Variants in NRXN1 observed in about 807,000 individuals in gnomAD.
NRXN1 encodes the protein neurexin 1, also known as neurexin-1.
Under a neutral mutation model 150.9 loss-of-function variants are expected in NRXN1, and 39 were observed. The ratio of observed to expected loss-of-function variants is 0.26; its 90% CI spans 0.20 to 0.34. NRXN1 has a LOEUF of 0.34. Ranked by LOEUF, NRXN1 falls within the 10% of genes least tolerant of loss-of-function variation. The pLI is 1.00. For missense variants in NRXN1, 1,815 were observed against 1,949.9 expected (o/e 0.93, Z 1.30); for synonymous variants, 924 against 757.0 (o/e 1.22, Z -3.62).
rs186058081 is a variant in NRXN1, at chr2:50,541,836, A to G, written c.1760-3200T>C. 6.0e-3 allele frequency among the ~76,000 whole-genome samples: 915 copies of G among 152,286 alleles called. 5 individuals carry two copies. Among genetic ancestry groups the G allele is most frequent in the Middle Eastern group, 0.034 (10 of 294 alleles). ...TATTAAAACAAATGCTGGACCATCA[A>G]TGGATTTTAGCACCAGCTAAAATGT... On this transcript the variant is annotated intron_variant, in intron 9 of 22. Coordinates refer to ENST00000401669, the MANE Select transcript of NRXN1 (RefSeq NM_001330078.2).
At chr2:50,255,908 T>C (rs928455369) in intron 17 of NRXN1, among the ~76,000 whole-genome samples, 6 of 152,130 alleles carry the variant, frequency 3.9e-5, no homozygotes, top group African/African-American at 7.2e-5. Context: ...TTCTAGATCA[T>C]TTATCAAAGA....
At chr2:50,152,203 C>CCT (rs2058738139) in intron 18 of NRXN1, among the ~76,000 whole-genome samples, 1 of 151,706 alleles carries the variant, frequency 6.6e-6, no homozygotes, top group African/African-American at 2.4e-5. Flanking sequence ...CTACCCATTT[C>CCT]CTCTCTCTCC....
chr2:50,232,408 G>A (rs2065030776), intron 18 of NRXN1, among the ~76,000 whole-genome samples: 1 of 105,850 alleles, frequency 9.4e-6, no homozygotes, highest in African/African-American at 3.7e-5. Flanking sequence ...TTTTTTTTGA[G>A]ACGGAGTGTC....
At chr2:50,601,238 G>C (rs537710539) in intron 8 of NRXN1, among the ~76,000 whole-genome samples, 3 of 151,976 alleles carry the variant, frequency 2.0e-5, no homozygotes, top group Admixed American at 2.0e-4. Flanking sequence ...GACTACCTAC[G>C]AGAAAAATAA....
At chr2:50,710,325 T>G (rs1694995635) in intron 5 of NRXN1, among the ~76,000 whole-genome samples, 1 of 152,196 alleles carries the variant, frequency 6.6e-6, no homozygotes, top group Non-Finnish European at 1.5e-5. Context: ...AGGTAATGCA[T>G]TAACTCCAGA....
intron 12 of NRXN1, 45 bp from the exon 13 acceptor site, chr2:50,506,662 C>A: frequency 1.3e-6 from 2 of 1,598,426 alleles, no homozygotes; most frequent in South Asian, 2.2e-5. Flanking sequence ...CAGAATCAGT[C>A]AAGCAAATGA....
chr2:50,238,056 C>T (rs538029545), intron 17 of NRXN1, among the ~76,000 whole-genome samples: 1 of 152,172 alleles, frequency 6.6e-6, no homozygotes, highest in South Asian at 2.1e-4. Context: ...TCCTCAGCCA[C>T]ACAGAACTGT....
Position 50,347,000 on chromosome 2 carries a change from G to T in NRXN1, c.3365-110030C>A, listed in dbSNP as rs568380312. The T allele has an allele frequency of 3.4e-4, 461 of 1,364,000 alleles. 7 individuals carry two copies. In the South Asian group the frequency reaches 6.0e-3, roughly 18 times the overall value. The allele number at this position is 1,364,000 out of a possible 1,614,324, so 84.5% of individuals were successfully genotyped here. A position where few individuals can be genotyped will look rare whatever the true frequency, so the allele number is the denominator to read the frequency against. On this transcript the variant is annotated intron_variant, in intron 17 of 22. Transcript: ENST00000401669. The surrounding 1 kb of genome is among the most constrained non-coding windows in gnomAD (Gnocchi z 5.0). ...CGCCGCGGGAGGCAAAGTTTGGGGC[G>T]CGGGGAGAGGAGAGGGCGCAGGGGA...
chr2:50,978,293 TATATATATATATAA>T (rs1366927605), intron 2 of NRXN1, among the ~76,000 whole-genome samples: 2 of 126,560 alleles, frequency 1.6e-5, no homozygotes, highest in Admixed American at 1.7e-4. Context: ...TATATATATA[TATATATATATATAA>T]AATATATATA....
intron 18 of NRXN1, among the ~76,000 whole-genome samples, chr2:50,200,392 A>G (rs2062075183): frequency 6.6e-6 from 1 of 152,186 alleles, no homozygotes; most frequent in African/African-American, 2.4e-5. Context: ...ACAGTCTTCT[A>G]AGACATTAAT....
intron 12 of NRXN1, among the ~76,000 whole-genome samples, chr2:50,524,924 A>C (rs1447774441): frequency 5.9e-5 from 9 of 152,158 alleles, no homozygotes; most frequent in Non-Finnish European, 1.3e-4. Flanking sequence ...ATCGTTTGGA[A>C]TTATTGGGCA....
At chr2:50,500,186 A>G (rs1482410362) in intron 13 of NRXN1, among the ~76,000 whole-genome samples, 1 of 152,158 alleles carries the variant, frequency 6.6e-6, no homozygotes, top group African/African-American at 2.4e-5. Context: ...TACCAGCTCT[A>G]AAAGAGGAAA....
intron 5 of NRXN1, among the ~76,000 whole-genome samples, chr2:50,814,760 A>T (rs1668691992): frequency 6.6e-6 from 1 of 152,194 alleles, no homozygotes; most frequent in Non-Finnish European, 1.5e-5. Context: ...TATTTGATAC[A>T]TTTTATTCTT....
intron 5 of NRXN1, among the ~76,000 whole-genome samples, chr2:50,792,713 TA>T (rs1436548088): frequency 6.6e-6 from 1 of 151,916 alleles, no homozygotes; most frequent in East Asian, 1.9e-4. Context: ...AACGGTTAAT[TA>T]AAAGCAAATT....
intron 22 of NRXN1, among the ~76,000 whole-genome samples, chr2:49,927,647 T>A (rs1669328085): frequency 6.6e-6 from 1 of 152,222 alleles, no homozygotes; most frequent in Non-Finnish European, 1.5e-5. Context: ...TAAAGAAAAC[T>A]GCTCTTGATC....
intron 5 of NRXN1, among the ~76,000 whole-genome samples, chr2:50,763,335 T>G (rs1559226904): frequency 6.6e-6 from 1 of 151,994 alleles, no homozygotes; most frequent in Non-Finnish European, 1.5e-5. Context: ...ATTGCTTGCC[T>G]GTAATTTAAT....
chr2:50,669,875 CA>C (rs35701701), intron 5 of NRXN1, among the ~76,000 whole-genome samples: 45,784 of 150,130 alleles, frequency 0.3, 7,575 homozygotes, highest in East Asian at 0.48. Context: ...AAAACAACAA[CA>C]AAAAAAACGG....
intron 18 of NRXN1, among the ~76,000 whole-genome samples, chr2:50,192,109 CA>C (rs1422757123): frequency 1.3e-5 from 2 of 151,970 alleles, no homozygotes; most frequent in Non-Finnish European, 2.9e-5. Context: ...TTGAGTAGCT[CA>C]GTTTGTAGCT....
At chr2:50,915,154 T>C (rs1470403258) in intron 5 of NRXN1, among the ~76,000 whole-genome samples, 1 of 151,668 alleles carries the variant, frequency 6.6e-6, no homozygotes, top group Non-Finnish European at 1.5e-5. Context: ...GTGAGAATAC[T>C]AGCCAATTAT....
Sources: allele counts gnomAD v4.1 joint callset (sites outside exome capture counted in the v4.1 genomes callset), GRCh38; gene constraint gnomAD v4.1.1; non-coding constraint Gnocchi (gnomAD v3.1); transcripts MANE v1.5; gene names NCBI Gene and HGNC (gene_info 2026-07-23, HGNC 2026-07-21).